The following ADARB2 variants were observed in gnomAD, a reference collection of about 807,000 sequenced individuals.
ADARB2 encodes the protein adenosine deaminase RNA specific B2 (inactive).
ADARB2 carries 25 observed loss-of-function variants against 62.2 expected under a neutral mutation model. The observed-to-expected ratio is 0.40, with a 90% CI of 0.29 to 0.56. ADARB2 has a LOEUF of 0.56. ADARB2 is among the 20% of genes least tolerant of loss of function. The pLI is 0.43. For synonymous variants in ADARB2, 572 were observed against 500.8 expected, an observed-to-expected ratio of 1.14 and a Z score of -1.90; for missense variants, 1,071 against 1,077.4, an observed-to-expected ratio of 0.99 and a Z score of 0.08.
chr10:1,656,290 G>C (rs970045366), intron 1 of ADARB2, among the ~76,000 whole-genome samples: 1 of 152,194 alleles, frequency 6.6e-6, no homozygotes, highest in Non-Finnish European at 1.5e-5. Flanking sequence ...CTCAGATGAC[G>C]TCGAACCTAG....
intron 1 of ADARB2, among the ~76,000 whole-genome samples, chr10:1,507,541 G>A (rs561453368): frequency 6.6e-6 from 1 of 152,324 alleles, no homozygotes; most frequent in East Asian, 1.9e-4. Flanking sequence ...TGCCTAGAGG[G>A]AAACGTGAGC....
intron 1 of ADARB2, among the ~76,000 whole-genome samples, chr10:1,602,770 C>T (rs1177675258): frequency 6.6e-6 from 1 of 151,024 alleles, no homozygotes; most frequent in Admixed American, 6.6e-5. Flanking sequence ...TACATACACA[C>T]ACATCCACAT....
chr10:1,523,061 T>C (rs1832093368), intron 1 of ADARB2, among the ~76,000 whole-genome samples: 1 of 152,166 alleles, frequency 6.6e-6, no homozygotes, highest in Admixed American at 6.5e-5. Context: ...CATCATCCTT[T>C]TGTTAGAAGA....
intron 1 of ADARB2, among the ~76,000 whole-genome samples, chr10:1,510,117 T>TTTCTTTCTTTCTTTCTTTC (rs1831911440): frequency 1.1e-5 from 1 of 93,820 alleles, no homozygotes; most frequent in African/African-American, 4.5e-5. Context: ...TCTCTCTTTC[T>TTTCTTTCTTTCTTTCTTTC]TTCTTTCTTT....
chr10:1,426,443 G>A lies in ADARB2; in HGVS notation c.101-47283C>T, dbSNP rs1473308038. On this transcript the variant is annotated intron_variant, in intron 1 of 9. Coordinates refer to ENST00000381312, the MANE Select transcript of ADARB2 (RefSeq NM_018702.4). The surrounding 1 kb of genome is among the most constrained non-coding windows in gnomAD (Gnocchi z 4.1). ...GTAAAACCGAAGCCCTCTTCTGCGT[G>A]GCGATTTGGAGAACACAGTCAGCAT... is the stretch of plus-strand genomic sequence containing the variant. Among the ~76,000 whole-genome samples, 1 of 152,040 alleles carries A rather than the reference G, an allele frequency of 6.6e-6. No individual in the cohort carries two copies. The highest frequency in any genetic ancestry group is 1.5e-5 in the Non-Finnish European group (1 of 67,996).
intron 3 of ADARB2, among the ~76,000 whole-genome samples, chr10:1,350,408 A>G (rs1003584271): frequency 1.3e-5 from 2 of 152,026 alleles, no homozygotes; most frequent in African/African-American, 4.8e-5. Flanking sequence ...CGCCAGACCG[A>G]GCTAGGTCCC....
At chr10:1,493,137 C>T (rs575858126) in intron 1 of ADARB2, among the ~76,000 whole-genome samples, 3 of 152,278 alleles carry the variant, frequency 2.0e-5, no homozygotes, top group South Asian at 2.1e-4. Flanking sequence ...ATGTACACTT[C>T]GATTAAGTCA....
chr10:1,696,635 C>T (rs191860902), intron 1 of ADARB2, among the ~76,000 whole-genome samples: 1 of 152,306 alleles, frequency 6.6e-6, no homozygotes, highest in East Asian at 1.9e-4. Flanking sequence ...AGCGGACCTG[C>T]CCACCTGGAC....
intron 1 of ADARB2, among the ~76,000 whole-genome samples, chr10:1,625,407 G>C (rs910544627): frequency 6.6e-6 from 1 of 152,248 alleles, no homozygotes; most frequent in African/African-American, 2.4e-5. Context: ...AGCTTACAGG[G>C]ACTGAGGTTT....
At chr10:1,409,773 TGA>T (rs1832742087) in intron 1 of ADARB2, among the ~76,000 whole-genome samples, 2 of 125,154 alleles carry the variant, frequency 1.6e-5, no homozygotes, top group African/African-American at 5.4e-5. Context: ...AGGGAATGAC[TGA>T]CAGTGGTGCT....
intron 7 of ADARB2, among the ~76,000 whole-genome samples, chr10:1,209,618 A>G (rs1336290489): frequency 7.6e-6 from 1 of 130,842 alleles, no homozygotes; most frequent in Admixed American, 7.7e-5. Context: ...CGCCTACACC[A>G]TCACCCACAC....
At chr10:1,645,722 C>T (rs1478059745) in intron 1 of ADARB2, among the ~76,000 whole-genome samples, 2 of 152,178 alleles carry the variant, frequency 1.3e-5, no homozygotes, top group African/African-American at 4.8e-5. Flanking sequence ...CTGCCATCTA[C>T]ACCTCATCTC....
At chr10:1,553,423 G>A (rs1393826771) in intron 1 of ADARB2, among the ~76,000 whole-genome samples, 2 of 152,082 alleles carry the variant, frequency 1.3e-5, no homozygotes, top group East Asian at 3.9e-4. Context: ...AGAGGCACCC[G>A]ACCTCTCACT....
intron 1 of ADARB2, among the ~76,000 whole-genome samples, chr10:1,568,805 T>TCTAG (rs1232897210): frequency 7.6e-6 from 1 of 130,842 alleles, no homozygotes; most frequent in Non-Finnish European, 1.7e-5. Context: ...TCTATCTCTA[T>TCTAG]CTATCTATCT....
chr10:1,648,769 T>C (rs1834075485), intron 1 of ADARB2, among the ~76,000 whole-genome samples: 1 of 152,068 alleles, frequency 6.6e-6, no homozygotes, highest in Non-Finnish European at 1.5e-5. Context: ...GAAGTGATGG[T>C]TGGTTAACTG....
intron 1 of ADARB2, among the ~76,000 whole-genome samples, chr10:1,606,404 C>T (rs138755391): frequency 3.3e-4 from 50 of 152,272 alleles, no homozygotes; most frequent in African/African-American, 4.8e-4. Flanking sequence ...ATGCTCTCTA[C>T]GCAAGCAGGT....
In ADARB2 at chr10:1,250,302, G is replaced by A. The variant is rs190306169; in HGVS notation, c.1193-8003C>T. Among the ~76,000 whole-genome samples the A allele has an allele frequency of 6.4e-4, 98 of 152,126 alleles. 1 individual carries two copies. The highest frequency in any genetic ancestry group is 2.0e-3 in the African/African-American group (83 of 41,536). ...GTTGAGATTTGGTCCTCAGTGTGGC[G>A]GTGTTGGGGGGTGATGGGACCTAGT... On this transcript the variant is annotated intron_variant, in intron 4 of 9. Transcript: ENST00000381312.
intron 2 of ADARB2, among the ~76,000 whole-genome samples, chr10:1,366,866 C>T (rs964686765): frequency 6.6e-6 from 1 of 152,208 alleles, no homozygotes; most frequent in African/African-American, 2.4e-5. Context: ...GGGACAGGCT[C>T]TTCTGCCAGG....
chr10:1,582,901 G>C (rs1342645871), intron 1 of ADARB2, among the ~76,000 whole-genome samples: 1 of 152,200 alleles, frequency 6.6e-6, no homozygotes, highest in African/African-American at 2.4e-5. Flanking sequence ...AGAGCCCCCA[G>C]CTCTGATGAG....
Sources: gnomAD v4.1 joint callset for allele counts (sites outside exome capture counted in the v4.1 genomes callset) on GRCh38, gnomAD v4.1.1 for gene constraint, Gnocchi (gnomAD v3.1) non-coding constraint, MANE v1.5 for transcripts, NCBI Gene and HGNC (gene_info 2026-07-23, HGNC 2026-07-21) for gene names.